Variants in MTRF1 observed in about 807,000 individuals in gnomAD.
MTRF1 encodes peptide chain release factor 1, mitochondrial.
A neutral mutation model predicts 62.9 loss-of-function variants in MTRF1; 51 were observed. The observed-to-expected ratio is 0.81, with a 90% confidence interval of 0.65 to 1.02. The LOEUF is 1.02. MTRF1 is among the 50% of genes least tolerant of loss of function. MTRF1 has a pLI of 0.00. For synonymous variants in MTRF1, 158 were observed against 181.9 expected (o/e 0.87, Z 1.06); for missense variants, 446 against 530.0 (o/e 0.84, Z 1.56).
At chr13:41,302,640 C>T in the MTRF1 span, among the ~76,000 whole-genome samples, 1 of 151,900 alleles carries the variant, frequency 6.6e-6, no homozygotes, top group Non-Finnish European at 1.5e-5. Flanking sequence ...AGTGATCCTC[C>T]CACTTCAGCC....
At chr13:41,309,268 C>T in the MTRF1 span, among the ~76,000 whole-genome samples, 1 of 151,942 alleles carries the variant, frequency 6.6e-6, no homozygotes, top group East Asian at 1.9e-4. Context: ...ACCTGTCTCC[C>T]AGGCTCAATT....
At chr13:41,276,656 A>G in the MTRF1 span, among the ~76,000 whole-genome samples, 1 of 152,154 alleles carries the variant, frequency 6.6e-6, no homozygotes, top group African/African-American at 2.4e-5. Flanking sequence ...CTTTCAAGCT[A>G]GCTTTGGAAG....
At chr13:41,291,839 T>C in the MTRF1 span, among the ~76,000 whole-genome samples, 1 of 152,166 alleles carries the variant, frequency 6.6e-6, no homozygotes, top group Non-Finnish European at 1.5e-5. Context: ...TCCTGGACCT[T>C]TTGTGATCTT....
the MTRF1 span, among the ~76,000 whole-genome samples, chr13:41,273,430 G>C: frequency 6.6e-6 from 1 of 152,114 alleles, no homozygotes; most frequent in African/African-American, 2.4e-5. Flanking sequence ...AATTTAGAAA[G>C]CTTATTTTGC....
intron 9 of MTRF1, among the ~76,000 whole-genome samples, chr13:41,218,281 ATTT>A (rs199717534): frequency 0.026 from 2,942 of 115,256 alleles, 3 homozygotes; most frequent in Non-Finnish European, 0.039. Flanking sequence ...CACCCAGCTA[ATTT>A]TTTTTTTTTT....
chr13:41,269,111 C>G, the MTRF1 span, among the ~76,000 whole-genome samples: 13 of 140,318 alleles, frequency 9.3e-5, no homozygotes, highest in African/African-American at 3.4e-4. Flanking sequence ...TTTAAGCTTT[C>G]TTACCAAAAA....
intron 2 of MTRF1, among the ~76,000 whole-genome samples, chr13:41,256,867 T>A (rs565572246): frequency 1.3e-5 from 2 of 152,358 alleles, no homozygotes; most frequent in African/African-American, 4.8e-5. Flanking sequence ...CCATGTTTCA[T>A]GCTGCAGAAG....
the MTRF1 span, among the ~76,000 whole-genome samples, chr13:41,281,353 TTTTG>T: frequency 4.4e-4 from 67 of 152,260 alleles, no homozygotes; most frequent in African/African-American, 1.4e-3. Context: ...TTCTGGTTTG[TTTTG>T]TTTGTTTGTT....
the MTRF1 span, among the ~76,000 whole-genome samples, chr13:41,301,775 G>A: frequency 6.6e-6 from 1 of 152,094 alleles, no homozygotes; most frequent in African/African-American, 2.4e-5. Context: ...GCAAGGACCA[G>A]AGCTGCACAG....
chr13:41,234,172 T>G (rs902745781), intron 6 of MTRF1, among the ~76,000 whole-genome samples, 165 bp from the exon 7 acceptor site: 7 of 152,142 alleles, frequency 4.6e-5, no homozygotes, highest in African/African-American at 1.7e-4. Flanking sequence ...CCCATTCCAA[T>G]GGGATGCTAT....
At chr13:41,309,646 A>G in the MTRF1 span, among the ~76,000 whole-genome samples, 1 of 152,170 alleles carries the variant, frequency 6.6e-6, no homozygotes, top group Non-Finnish European at 1.5e-5. Context: ...GGAGATTGAA[A>G]GAAAAAAAAA....
chr13:41,277,342 G>C, the MTRF1 span, among the ~76,000 whole-genome samples: 31 of 151,964 alleles, frequency 2.0e-4, no homozygotes, highest in Non-Finnish European at 2.9e-5. Flanking sequence ...ATGTTGCCCA[G>C]ACTGGTCTCG....
the MTRF1 span, among the ~76,000 whole-genome samples, chr13:41,309,493 C>T: frequency 2.6e-5 from 4 of 152,022 alleles, no homozygotes; most frequent in Non-Finnish European, 5.9e-5. Context: ...CCTGGCTGTG[C>T]ATGTGTCTTT....
rs142920433 is a variant in MTRF1, at chr13:41,227,588, T to C, written c.989-1020A>G. ...TTCTTGAGGCTGTGTTGTTCTTAAC[T>C]TTGCAGCTACCACTCTGAGGTCCGT... On this transcript the variant is annotated intron_variant, in intron 7 of 9. Coordinates refer to ENST00000379480, the MANE Select transcript of MTRF1 (RefSeq NM_004294.4). Among the ~76,000 whole-genome samples, 394 of 152,278 alleles carry C rather than the reference T, an allele frequency of 2.6e-3. 2 individuals are homozygous for C. Among genetic ancestry groups the C allele is most frequent in the African/African-American group, 9.2e-3 (384 of 41,546 alleles).
At chr13:41,275,866 A>G in the MTRF1 span, among the ~76,000 whole-genome samples, 2 of 152,190 alleles carry the variant, frequency 1.3e-5, no homozygotes, top group South Asian at 4.1e-4. Context: ...GAGCATATTT[A>G]TGTCAAATTA....
chr13:41,306,410 A>G, the MTRF1 span, among the ~76,000 whole-genome samples: 1 of 151,806 alleles, frequency 6.6e-6, no homozygotes, highest in Admixed American at 6.6e-5. Flanking sequence ...AAGAAAGAAG[A>G]GCCAAGAACA....
chr13:41,254,411 C>T, intron 3 of MTRF1, 118 bp downstream of exon 3: 2 of 545,094 alleles, frequency 3.7e-6, no homozygotes, highest in South Asian at 8.1e-5. Context: ...GATCACTTAT[C>T]ATAAGAGAAC....
chr13:41,263,826 G>A (rs906755751), upstream of MTRF1, among the ~76,000 whole-genome samples: 2 of 151,784 alleles, frequency 1.3e-5, no homozygotes, highest in African/African-American at 4.9e-5. Context: ...GGGAGGGAGG[G>A]GCCAAGGTGG....
chr13:41,253,723 G>A (rs963991113), intron 3 of MTRF1, among the ~76,000 whole-genome samples: 4 of 152,204 alleles, frequency 2.6e-5, no homozygotes, highest in Non-Finnish European at 4.4e-5. Context: ...TGCTAGAAAT[G>A]ATATAGTCTA....
Sources: gnomAD v4.1 joint callset for allele counts (sites outside exome capture counted in the v4.1 genomes callset) on GRCh38, gnomAD v4.1.1 for gene constraint, MANE v1.5 for transcripts, NCBI Gene and HGNC (gene_info 2026-07-23, HGNC 2026-07-21) for gene names.